The following PALM2AKAP2 variants were observed in gnomAD, a reference collection of about 807,000 sequenced individuals.
PALM2AKAP2 encodes the protein PALM2 and AKAP2 fusion.
A neutral mutation model predicts 71.5 loss-of-function variants in PALM2AKAP2; 37 were observed. The ratio of observed to expected loss-of-function variants is 0.52; its 90% CI spans 0.40 to 0.68. PALM2AKAP2 has a LOEUF of 0.68. Among genes scored for constraint, PALM2AKAP2 ranks in the 30% least tolerant of loss-of-function variants. PALM2AKAP2 has a pLI of 0.00. For missense variants in PALM2AKAP2, 1,224 were observed against 1,191.8 expected (o/e 1.03, Z -0.40); for synonymous variants, 468 against 478.8 (o/e 0.98, Z 0.29).
chr9:109,792,162 G>A (rs1444546964), intron 1 of PALM2AKAP2, among the ~76,000 whole-genome samples: 1 of 152,188 alleles, frequency 6.6e-6, no homozygotes, highest in African/African-American at 2.4e-5. Flanking sequence ...TCTTGGGTCA[G>A]AGTCAGGGCT....
At chr9:109,945,526 A>C (rs1257175532) in intron 6 of PALM2AKAP2, 1 of 152,264 alleles carries the variant, frequency 6.6e-6, no homozygotes, top group Non-Finnish European at 1.5e-5. Context: ...ATAAACTGGC[A>C]TGCAGATAAA....
chr9:109,963,493 G>T (rs920945391), intron 6 of PALM2AKAP2, among the ~76,000 whole-genome samples: 5 of 152,178 alleles, frequency 3.3e-5, no homozygotes, highest in African/African-American at 1.2e-4. Flanking sequence ...ATTTCCAGGA[G>T]GTGGGAACTA....
chr9:109,939,895 A>C (rs186629838), intron 6 of PALM2AKAP2, among the ~76,000 whole-genome samples: 2 of 152,334 alleles, frequency 1.3e-5, no homozygotes, highest in East Asian at 3.9e-4. Context: ...TCTGATGAAA[A>C]CCAAACATGG....
At chr9:109,909,678 AAAG>A (rs1830526572) in intron 3 of PALM2AKAP2, among the ~76,000 whole-genome samples, 1 of 152,250 alleles carries the variant, frequency 6.6e-6, no homozygotes, top group African/African-American at 2.4e-5. Flanking sequence ...ATATGGCAGC[AAAG>A]AAGAAGAGCA....
At chr9:110,105,110 A>G (rs924265949) in intron 1 of PALM2AKAP2, among the ~76,000 whole-genome samples, 1 of 152,240 alleles carries the variant, frequency 6.6e-6, no homozygotes, top group Non-Finnish European at 1.5e-5. Flanking sequence ...TAGACTGTTA[A>G]TTCAGGCAGA....
At chr9:109,934,829 T>C (rs2132011266) in intron 6 of PALM2AKAP2, among the ~76,000 whole-genome samples, 1 of 152,392 alleles carries the variant, frequency 6.6e-6, no homozygotes, top group African/African-American at 2.4e-5. Flanking sequence ...CATATACTAC[T>C]TCACCTGTTC....
At chr9:109,899,472 T>A (rs763792101) in intron 3 of PALM2AKAP2, among the ~76,000 whole-genome samples, 16 of 152,242 alleles carry the variant, frequency 1.1e-4, no homozygotes, top group Admixed American at 2.0e-4. Flanking sequence ...CCTAGTGTTG[T>A]GTCCTTCTGA....
intron 1 of PALM2AKAP2, among the ~76,000 whole-genome samples, chr9:110,063,562 C>G (rs1834009240): frequency 6.6e-6 from 1 of 151,994 alleles, no homozygotes; most frequent in African/African-American, 2.4e-5. Flanking sequence ...GCCTCAGCCT[C>G]CCAAGTAGCT....
intron 7 of PALM2AKAP2, among the ~76,000 whole-genome samples, chr9:110,035,242 A>G (rs1833361090): frequency 1.5e-5 from 2 of 137,274 alleles, no homozygotes; most frequent in Admixed American, 8.2e-5. Context: ...AATATAATAT[A>G]TAATTATATT....
chr9:109,758,732 G>A (rs879452032), intron 1 of PALM2AKAP2, among the ~76,000 whole-genome samples: 2 of 151,976 alleles, frequency 1.3e-5, no homozygotes, highest in Non-Finnish European at 2.9e-5. Flanking sequence ...GCTTCTCCCA[G>A]CTTTAACATG....
chr9:109,711,396 T>C (rs567019616), intron 1 of PALM2AKAP2, among the ~76,000 whole-genome samples: 2 of 152,374 alleles, frequency 1.3e-5, no homozygotes, highest in South Asian at 2.1e-4. Flanking sequence ...AGAGAGTTAC[T>C]GGAGTCTCAC....
At chr9:109,791,698 GA>G in intron 1 of PALM2AKAP2, among the ~76,000 whole-genome samples, 1 of 152,190 alleles carries the variant, frequency 6.6e-6, no homozygotes, top group Non-Finnish European at 1.5e-5. Flanking sequence ...TGACTTGGCT[GA>G]GCTTTTGGGA....
chr9:109,909,255 G>A (rs1830519165), intron 3 of PALM2AKAP2, among the ~76,000 whole-genome samples: 1 of 152,166 alleles, frequency 6.6e-6, no homozygotes, highest in Non-Finnish European at 1.5e-5. Flanking sequence ...GTTACCTTCT[G>A]CATCCTCCTG....
At position 110,040,765 on chromosome 9, in the gene PALM2AKAP2, A is replaced by C. The variant is rs148481056; in HGVS notation, c.582+24726A>C. ...AAAAATACATTTGCATCTAAAACAC[A>C]GGTCCCTAATGAGAAGAAATTCGCT... On this transcript the variant is annotated intron_variant, in intron 7 of 9. Transcript: ENST00000302798. Among the ~76,000 whole-genome samples, 881 of 152,354 alleles carry C rather than the reference A, an allele frequency of 5.8e-3. 8 individuals are homozygous for C. Among genetic ancestry groups the C allele is most frequent in the African/African-American group, 0.017 (704 of 41,582 alleles).
rs149481089 is a variant in PALM2AKAP2, at chr9:109,681,926, G to A, written c.5+41060G>A. On this transcript the variant is annotated intron_variant, in intron 1 of 6. Coordinates refer to the PALM2AKAP2 transcript ENST00000374531. ...TTGCTCAAGGCATTCAGGTGACTGG[G>A]TTTCTCACAAGAACAGAAGCATTTA... Among the ~76,000 whole-genome samples the A allele has an allele frequency of 1.2e-3, 179 of 152,212 alleles. 1 individual carries two copies. The highest frequency in any genetic ancestry group is 4.0e-3 in the African/African-American group (168 of 41,548).
At chr9:109,819,354 G>A (rs1421892845) in intron 1 of PALM2AKAP2, among the ~76,000 whole-genome samples, 2 of 152,172 alleles carry the variant, frequency 1.3e-5, no homozygotes, top group Admixed American at 6.5e-5. Context: ...TAGGGGGCGA[G>A]CAACAAAGTT....
chr9:110,053,368 G>T (rs750664885), intron 1 of PALM2AKAP2, among the ~76,000 whole-genome samples: 1 of 151,572 alleles, frequency 6.6e-6, no homozygotes, highest in Non-Finnish European at 1.5e-5. Context: ...TCTACTAAAA[G>T]AATACAAAAA....
chr9:109,980,506 G>A (rs10980133), intron 6 of PALM2AKAP2, among the ~76,000 whole-genome samples: 35,163 of 152,024 alleles, frequency 0.23, 4,315 homozygotes, highest in East Asian at 0.32. Flanking sequence ...AGGCCTCATC[G>A]TACACCAGCT....
intron 3 of PALM2AKAP2, 143 bp from the exon 11 acceptor site, chr9:110,168,256 C>G: frequency 1.1e-6 from 1 of 941,796 alleles, no homozygotes. Flanking sequence ...CTTTTTCCAG[C>G]GTCTCTCCTA....
Sources: allele counts gnomAD v4.1 joint callset (sites outside exome capture counted in the v4.1 genomes callset), GRCh38; gene constraint gnomAD v4.1.1; transcripts MANE v1.5; gene names NCBI Gene and HGNC (gene_info 2026-07-23, HGNC 2026-07-21).